MTCH2: variants seen among roughly 807,000 people sequenced by gnomAD.
MTCH2 encodes the protein mitochondrial carrier homolog 2.
MTCH2 carries 25 observed loss-of-function variants against 50.6 expected under a neutral mutation model. The ratio of observed to expected loss-of-function variants is 0.49; its 90% CI spans 0.36 to 0.69. The LOEUF is 0.69. MTCH2 is among the 30% of genes least tolerant of loss of function. The pLI is 0.00. For missense variants in MTCH2, 273 were observed against 384.4 expected (o/e 0.71, Z 2.42); for synonymous variants, 106 against 132.0 (o/e 0.80, Z 1.35).
chr11:47,618,959 C>G, intron 12 of MTCH2, 40 bp from the exon 13 acceptor site: 1 of 1,524,264 alleles, frequency 6.6e-7, no homozygotes, highest in Non-Finnish European at 8.9e-7. Flanking sequence ...TAATATCTAG[C>G]GAGATGAGAT....
chr11:47,605,007 T>C, the MTCH2 span, among the ~76,000 whole-genome samples: 1 of 152,030 alleles, frequency 6.6e-6, no homozygotes, highest in Non-Finnish European at 1.5e-5. Context: ...CTTGGCTCAC[T>C]GCAAGCTCCG....
intron 4 of MTCH2, 88 bp from the exon 5 acceptor site, chr11:47,634,822 G>A: frequency 1.1e-6 from 1 of 870,954 alleles, no homozygotes; most frequent in Non-Finnish European, 1.7e-6. Context: ...GCCCAGGCTG[G>A]AGTGCAGTGG....
intron 12 of MTCH2, among the ~76,000 whole-genome samples, chr11:47,619,897 T>G (rs1346733906): frequency 6.6e-6 from 1 of 151,978 alleles, no homozygotes; most frequent in Non-Finnish European, 1.5e-5. Flanking sequence ...ACTAACATAG[T>G]GAAACCCCAT....
chr11:47,633,524 ATATTT>A (rs1372466961), intron 5 of MTCH2, among the ~76,000 whole-genome samples: 6 of 55,304 alleles, frequency 1.1e-4, no homozygotes, highest in Admixed American at 5.6e-4. Context: ...ATATATATAT[ATATTT>A]TTTTTTTTTT....
At chr11:47,624,373 T>C (rs2097296120) in intron 11 of MTCH2, among the ~76,000 whole-genome samples, 1 of 152,176 alleles carries the variant, frequency 6.6e-6, no homozygotes, top group East Asian at 1.9e-4. Context: ...AAACTTTCCA[T>C]AGACTAAATA....
intron 5 of MTCH2, 101 bp downstream of exon 5, chr11:47,634,571 G>A: frequency 1.2e-6 from 1 of 865,012 alleles, no homozygotes; most frequent in Middle Eastern, 2.3e-4. Context: ...ATTTCATTTG[G>A]GAACAGACAC....
At chr11:47,615,791 C>CTGT (rs2097288060), downstream of MTCH2, among the ~76,000 whole-genome samples, 1 of 151,760 alleles carries the variant, frequency 6.6e-6, no homozygotes, top group Non-Finnish European at 1.5e-5. Context: ...CGCCACCACG[C>CTGT]CTAATTTTTG....
At chr11:47,621,449 T>C (rs1250989226) in intron 12 of MTCH2, among the ~76,000 whole-genome samples, 1 of 151,524 alleles carries the variant, frequency 6.6e-6, no homozygotes, top group Non-Finnish European at 1.5e-5. Context: ...TTTTTTTTTT[T>C]TGAGATGGAG....
At chr11:47,630,256 C>G (rs1030926829) in intron 8 of MTCH2, among the ~76,000 whole-genome samples, 1 of 152,192 alleles carries the variant, frequency 6.6e-6, no homozygotes, top group Non-Finnish European at 1.5e-5. Flanking sequence ...ATCCAACCGC[C>G]TTGGCCTCTC....
rs781080143 is a variant in MTCH2 at position 47,627,122 on chromosome 11, A to G, written c.639T>C (p.Ser213=). 12 of 1,596,662 alleles carry G rather than the reference A, an allele frequency of 7.5e-6. No homozygotes were observed. The highest frequency in any genetic ancestry group is 6.7e-5 in the East Asian group (3 of 44,722). The change falls in exon 10 of 13, where the codon TCT becomes TCC. Residue 213 remains serine, a synonymous_variant. Transcript: ENST00000302503. The stretch of plus-strand genomic sequence containing the variant: ...AATAACTCTTCATTTCATTCATGGT[A>G]GAAACCTAAAATAGGAAAAGAGCCT... ...VNTYALDSGV[S]TMNEMKSYSQ... is the part of the protein sequence containing the mutation.
rs568949716 is a variant in MTCH2, at chr11:47,629,735, G to A, written c.540-689C>T. 9.3e-5 allele frequency among the ~76,000 whole-genome samples: 14 copies of A among 150,640 alleles called. No homozygotes were observed. The South Asian group carries it at 2.7e-3, about 29-fold the overall frequency. On this transcript the variant is annotated intron_variant, in intron 8 of 12. Coordinates refer to ENST00000302503, the MANE Select transcript of MTCH2 (RefSeq NM_014342.4). ...TTATGATATTCAAAATCCGTATGGGGAGATACTCTGAAAATTAAAAAAAAA... is the reference window on the plus strand; with the variant it reads ...TTATGATATTCAAAATCCGTATGGGAAGATACTCTGAAAATTAAAAAAAAA...
chr11:47,614,073 A>AC (rs1484787959), downstream of MTCH2, among the ~76,000 whole-genome samples: 1 of 143,662 alleles, frequency 7.0e-6, no homozygotes, highest in Non-Finnish European at 1.6e-5. Flanking sequence ...ACCTTGTCTC[A>AC]AAAACAAACA....
In MTCH2 at chr11:47,630,557, G is replaced by T. The variant is rs772293593; in HGVS notation, c.537C>A (p.Phe179Leu). ...CACACTAATCAACATTTACTCACGC[G>T]AAAAATCCTAGAATGCCCTCTTCCC... Reference protein sequence around the residue: ...IYREEGILGFFAGLVPRLLGD... With the variant: ...IYREEGILGFLAGLVPRLLGD... Residue 179 changes from phenylalanine (F) to leucine (L), a missense_variant and splice_region_variant, in exon 8 of 13, where the codon TTC (phenylalanine) becomes TTA (leucine). Phe to Leu is a conservative substitution (Grantham distance 22). Coordinates refer to ENST00000302503, the MANE Select transcript of MTCH2 (RefSeq NM_014342.4). 6.2e-7 allele frequency: 1 copy of T among 1,610,898 alleles called. No homozygotes were observed. Among genetic ancestry groups the T allele is most frequent in the Admixed American group, 1.7e-5 (1 of 59,966 alleles).
At chr11:47,609,180 C>T in the MTCH2 span, among the ~76,000 whole-genome samples, 1 of 147,732 alleles carries the variant, frequency 6.8e-6, no homozygotes, top group Non-Finnish European at 1.5e-5. Flanking sequence ...GGAGCCCGGG[C>T]GCGGTGGCTC....
At chr11:47,634,010 T>C (rs1218474755) in intron 5 of MTCH2, among the ~76,000 whole-genome samples, 2 of 152,002 alleles carry the variant, frequency 1.3e-5, no homozygotes, top group Non-Finnish European at 2.9e-5. Context: ...CTTTTCAGAG[T>C]CAGAAAAATG....
chr11:47,609,830 T>G, the MTCH2 span, among the ~76,000 whole-genome samples: 2 of 151,932 alleles, frequency 1.3e-5, no homozygotes, highest in Non-Finnish European at 2.9e-5. Context: ...GAAGACAAGA[T>G]AGAGGCTGCA....
At chr11:47,616,660 T>C (rs953400109), downstream of MTCH2, among the ~76,000 whole-genome samples, 7 of 151,718 alleles carry the variant, frequency 4.6e-5, no homozygotes, top group Admixed American at 1.3e-4. Context: ...TCATTATTTC[T>C]TGCATGTGTT....
intron 2 of MTCH2, 74 bp from the exon 3 acceptor site, chr11:47,638,879 A>C: frequency 6.3e-7 from 1 of 1,577,900 alleles, no homozygotes; most frequent in East Asian, 2.2e-5. Flanking sequence ...CAAAGAAACA[A>C]GCTTTCTATA....
intron 1 of MTCH2, among the ~76,000 whole-genome samples, chr11:47,640,037 A>T (rs1357587988): frequency 6.6e-6 from 1 of 152,118 alleles, no homozygotes; most frequent in South Asian, 2.1e-4. Flanking sequence ...TGTCCTATTA[A>T]GTAACTCCTG....
Sources: gnomAD v4.1 joint callset for allele counts (sites outside exome capture counted in the v4.1 genomes callset) on GRCh38, gnomAD v4.1.1 for gene constraint, MANE v1.5 for transcripts, NCBI Gene and HGNC (gene_info 2026-07-23, HGNC 2026-07-21) for gene names.